ENTREP2: variants seen among roughly 807,000 people sequenced by gnomAD.
The protein encoded by ENTREP2 is protein ENTREP2.
At chr15:29,614,447 G>A in the ENTREP2 span, among the ~76,000 whole-genome samples, 62 of 152,204 alleles carry the variant, frequency 4.1e-4, no homozygotes, top group African/African-American at 1.4e-3. Context: ...TTTATCTGGG[G>A]AGAGGGAGGG....
At chr15:29,346,574 T>A in the ENTREP2 span, among the ~76,000 whole-genome samples, 1 of 152,112 alleles carries the variant, frequency 6.6e-6, no homozygotes, top group African/African-American at 2.4e-5. Flanking sequence ...AAGTCAAATA[T>A]CCACATTAAC....
At chr15:29,213,477 T>G in the ENTREP2 span, among the ~76,000 whole-genome samples, 1 of 152,170 alleles carries the variant, frequency 6.6e-6, no homozygotes, top group South Asian at 2.1e-4. Context: ...GAGCAGTGGT[T>G]TGTAGTTGTC....
chr15:29,162,414 G>A, the ENTREP2 span, among the ~76,000 whole-genome samples: 1 of 152,140 alleles, frequency 6.6e-6, no homozygotes, highest in Non-Finnish European at 1.5e-5. Context: ...CCTGAGGCAA[G>A]TTCTCAAGCC....
the ENTREP2 span, chr15:29,136,286 G>A: frequency 1.1e-5 from 15 of 1,392,634 alleles, no homozygotes; most frequent in South Asian, 6.5e-5. Flanking sequence ...CGCGGTGTGA[G>A]GTGCCTTCCG....
the ENTREP2 span, among the ~76,000 whole-genome samples, chr15:29,217,417 A>T: frequency 6.6e-6 from 1 of 152,156 alleles, no homozygotes; most frequent in South Asian, 2.1e-4. Context: ...TTACAATTTA[A>T]CATAGTCCCA....
chr15:29,376,174 T>G, the ENTREP2 span: 15 of 152,218 alleles, frequency 9.9e-5, no homozygotes, highest in African/African-American at 3.4e-4. Flanking sequence ...CCATGGTTAT[T>G]AGTTTCTCAA....
chr15:29,490,199 T>C, the ENTREP2 span, among the ~76,000 whole-genome samples: 366 of 152,292 alleles, frequency 2.4e-3, no homozygotes, highest in Non-Finnish European at 3.8e-3. Context: ...GAGTCGTTAG[T>C]TCCTTGTGGT....
At chr15:29,169,955 A>G in the ENTREP2 span, among the ~76,000 whole-genome samples, 1 of 152,194 alleles carries the variant, frequency 6.6e-6, no homozygotes, top group Non-Finnish European at 1.5e-5. Flanking sequence ...AGAAAACTCA[A>G]TAACATTTCC....
the ENTREP2 span, among the ~76,000 whole-genome samples, chr15:29,575,905 A>T: frequency 6.6e-6 from 1 of 152,224 alleles, no homozygotes; most frequent in Non-Finnish European, 1.5e-5. Flanking sequence ...TAAGATGACA[A>T]CACCCCAAAT....
the ENTREP2 span, among the ~76,000 whole-genome samples, chr15:29,409,663 G>A: frequency 1.3e-5 from 2 of 150,200 alleles, no homozygotes; most frequent in Admixed American, 6.6e-5. Context: ...GGGTCTCACC[G>A]TGTTACCCAG....
At chr15:29,183,763 C>T in the ENTREP2 span, among the ~76,000 whole-genome samples, 1 of 152,248 alleles carries the variant, frequency 6.6e-6, no homozygotes, top group East Asian at 1.9e-4. Flanking sequence ...CCTGATGCCT[C>T]AGGATAGTGG....
At chr15:29,365,819 A>C in the ENTREP2 span, among the ~76,000 whole-genome samples, 1 of 151,854 alleles carries the variant, frequency 6.6e-6, no homozygotes, top group Non-Finnish European at 1.5e-5. Context: ...TATCTTCCGT[A>C]CCCTCACACC....
chr15:29,566,878 G>C, the ENTREP2 span, among the ~76,000 whole-genome samples: 20 of 86,082 alleles, frequency 2.3e-4, no homozygotes, highest in East Asian at 2.8e-3. Context: ...CACACACACA[G>C]AGTCAGCTTC....
At chr15:29,244,785 T>C in the ENTREP2 span, among the ~76,000 whole-genome samples, 1 of 152,220 alleles carries the variant, frequency 6.6e-6, no homozygotes, top group Non-Finnish European at 1.5e-5. Context: ...GTGAAGATGC[T>C]GTCCCTGCTG....
the ENTREP2 span, among the ~76,000 whole-genome samples, chr15:29,377,200 C>T: frequency 6.6e-6 from 1 of 152,114 alleles, no homozygotes; most frequent in Non-Finnish European, 1.5e-5. Context: ...GACTTCAAGT[C>T]ATGCTAGTGC....
At chr15:29,626,331 C>T in the ENTREP2 span, among the ~76,000 whole-genome samples, 2 of 152,192 alleles carry the variant, frequency 1.3e-5, no homozygotes, top group African/African-American at 4.8e-5. Flanking sequence ...ATCATGGGGG[C>T]GGTTTCCCCC....
the ENTREP2 span, among the ~76,000 whole-genome samples, chr15:29,605,621 G>A: frequency 2.0e-5 from 3 of 152,132 alleles, no homozygotes; most frequent in Non-Finnish European, 2.9e-5. Context: ...CAGATCACCT[G>A]AGGTCAGGAG....
the ENTREP2 span, among the ~76,000 whole-genome samples, chr15:29,635,285 T>C: frequency 1.3e-5 from 2 of 152,046 alleles, no homozygotes; most frequent in African/African-American, 4.8e-5. Context: ...GCCCCAACCT[T>C]CCTAGGTGCT....
chr15:29,411,480 C>A, the ENTREP2 span, among the ~76,000 whole-genome samples: 1 of 152,190 alleles, frequency 6.6e-6, no homozygotes, highest in Non-Finnish European at 1.5e-5. Flanking sequence ...CCTACATATG[C>A]CCACTTCCAT....
Sources: allele counts gnomAD v4.1 joint callset (sites outside exome capture counted in the v4.1 genomes callset), GRCh38; gene constraint gnomAD v4.1.1; transcripts MANE v1.5; gene names NCBI Gene and HGNC (gene_info 2026-07-23, HGNC 2026-07-21).